The following ACOT11 variants were observed in gnomAD, a reference collection of about 807,000 sequenced individuals.
ACOT11 encodes the protein acyl-coenzyme A thioesterase 11.
A neutral mutation model predicts 77.5 loss-of-function variants in ACOT11; 69 were observed. That is an observed-to-expected ratio of 0.89 (90% CI 0.73 to 1.09). The LOEUF (loss-of-function observed/expected upper bound fraction) is 1.09, where lower values mean the gene tolerates loss of function less well. ACOT11 is among the 50% of genes least tolerant of loss of function. The pLI is 0.00. For synonymous variants in ACOT11, 279 were observed against 313.0 expected (o/e 0.89, Z 1.15); for missense variants, 766 against 813.7 (o/e 0.94, Z 0.71).
chr1:54,568,034 CT>C (rs772264017), intron 1 of ACOT11, among the ~76,000 whole-genome samples: 1 of 152,322 alleles, frequency 6.6e-6, no homozygotes, highest in Non-Finnish European at 1.5e-5. Flanking sequence ...CTCTGCATTT[CT>C]TAGGTCCTTC....
intron 9 of ACOT11, among the ~76,000 whole-genome samples, chr1:54,602,046 T>C (rs1401995183): frequency 2.0e-5 from 3 of 152,226 alleles, no homozygotes; most frequent in Admixed American, 1.3e-4. Flanking sequence ...TAGCGTGGGC[T>C]GTGGAGTTGG....
In ACOT11 at chr1:54,607,734, G is replaced by A. The variant is rs923283610; in HGVS notation, c.1503-208G>A. Among the ~76,000 whole-genome samples the A allele has an allele frequency of 1.3e-5, 2 of 152,106 alleles. No homozygotes were observed. Among genetic ancestry groups the A allele is most frequent in the Non-Finnish European group, 2.9e-5 (2 of 67,996 alleles). ...CACAGTGAAGTCAGGTTGGCTCCTG[G>A]TGAATTCAGTGCTAACCCACAGGTA... On this transcript the variant is annotated intron_variant, in intron 14 of 15. Transcript: ENST00000343744. This position sits in a 1 kb window ranked among gnomAD's most constrained non-coding sequence, Gnocchi z 4.5.
At chr1:54,595,072 C>T (rs1015143279) in intron 6 of ACOT11, among the ~76,000 whole-genome samples, 10 of 152,118 alleles carry the variant, frequency 6.6e-5, no homozygotes, top group Non-Finnish European at 1.0e-4. Flanking sequence ...ATAGGCCGGG[C>T]GTGGTGGCTC....
chr1:54,612,373 T>C (rs1655528), downstream of ACOT11: 617,038 of 720,642 alleles, frequency 0.86, 271,140 homozygotes, highest in Non-Finnish European at 0.94. Flanking sequence ...GCATGAGCAC[T>C]GGCAGGGGTT....
chr1:54,612,533 C>A (rs767843346), downstream of ACOT11: 9 of 1,614,056 alleles, frequency 5.6e-6, no homozygotes, highest in Non-Finnish European at 7.6e-6. Context: ...AGGCAGCCCG[C>A]ACCATGGAAG....
At chr1:54,635,266 G>A (rs1263540380) in exon 17 of ACOT11, 3 of 217,968 alleles carry the variant, frequency 1.4e-5, no homozygotes, top group South Asian at 6.0e-5. Context: ...AGCTTGAATT[G>A]CACCTCTCAG....
At chr1:54,614,531 G>C (rs373680345), downstream of ACOT11, among the ~76,000 whole-genome samples, 1 of 152,140 alleles carries the variant, frequency 6.6e-6, no homozygotes, top group South Asian at 2.1e-4. Context: ...GTCAGAAAAG[G>C]GGGGAAAGGC....
chr1:54,630,461 T>C (rs1282895142), intron 15 of ACOT11, among the ~76,000 whole-genome samples: 3 of 152,202 alleles, frequency 2.0e-5, no homozygotes, highest in Non-Finnish European at 4.4e-5. Context: ...GGAAAACCCC[T>C]TAAAGGCATT....
chr1:54,605,069 C>T lies in ACOT11; in HGVS notation c.1237-7C>T, dbSNP rs1222418784. On this transcript the variant is annotated splice_region_variant and splice_polypyrimidine_tract_variant and intron_variant, in intron 12 of 15. Transcript: ENST00000343744. ...CAGCAAATGAGGCTGCCCTCTATCC[C>T]ATGCAGGTCCGCCTGTACACTCTGG... 1 of 1,611,680 alleles carries T rather than the reference C, an allele frequency of 6.2e-7. No individual in the cohort carries two copies. Among genetic ancestry groups the T allele is most frequent in the Non-Finnish European group, 8.5e-7 (1 of 1,179,080 alleles).
At chr1:54,615,928 G>T in intron 15 of ACOT11, 1 of 1,344,966 alleles carries the variant, frequency 7.4e-7, no homozygotes, top group Non-Finnish European at 1.0e-6. Flanking sequence ...TCGTGTCAGG[G>T]CTGGACTTGC....
chr1:54,594,665 T>G lies in ACOT11; in HGVS notation c.581T>G (p.Leu194Arg). 6.2e-7 allele frequency: 1 copy of G among 1,613,690 alleles called. No homozygotes were observed. Among genetic ancestry groups the G allele is most frequent in the Non-Finnish European group, 8.5e-7 (1 of 1,179,764 alleles). Reference protein sequence around the residue: ...RLVYADTIKDLLANCAIQGDL... With the variant: ...RLVYADTIKDRLANCAIQGDL... ...GTCTATGCAGACACCATCAAGGACC[T>G]CCTGGCCAACTGCGCCATTCAGGGC... Residue 194 changes from leucine (L) to arginine (R), a missense_variant, in exon 6 of 16, where the codon CTC becomes CGC. Coordinates refer to ENST00000343744, the MANE Select transcript of ACOT11 (RefSeq NM_147161.4).
At chr1:54,623,343 C>G in intron 15 of ACOT11, 1 of 1,613,964 alleles carries the variant, frequency 6.2e-7, no homozygotes, top group Non-Finnish European at 8.5e-7. Context: ...ACAGGTAATG[C>G]CGGCAAACAC....
At chr1:54,612,861 CA>C, downstream of ACOT11, 1 of 633,080 alleles carries the variant, frequency 1.6e-6, no homozygotes, top group East Asian at 2.8e-5. Flanking sequence ...TGGCTTGTTT[CA>C]GGTCCCATAA....
In ACOT11 at chr1:54,607,366, T is replaced by A; in HGVS notation, c.1502+101T>A. 6.4e-7 allele frequency: 1 copy of A among 1,554,222 alleles called. No individual in the cohort carries two copies. The highest frequency in any genetic ancestry group is 8.7e-7 in the Non-Finnish European group (1 of 1,145,284). On this transcript the variant is annotated intron_variant, in intron 14 of 15. Transcript: ENST00000343744. The surrounding 1 kb of genome is among the most constrained non-coding windows in gnomAD (Gnocchi z 4.5). The stretch of plus-strand genomic sequence containing the variant: ...AAGGGCATCAGCCTGGAGCCAGAGC[T>A]CTGCTTCCCATTGGCTGTGGGGCCC...
chr1:54,630,808 G>A, exon 16 of ACOT11: 1 of 770,402 alleles, frequency 1.3e-6, no homozygotes. Flanking sequence ...TCGAATCCAG[G>A]TCAAAGGGTC....
At chr1:54,617,788 A>C (rs1344824895) in intron 15 of ACOT11, among the ~76,000 whole-genome samples, 1 of 126,422 alleles carries the variant, frequency 7.9e-6, no homozygotes, top group Admixed American at 1.0e-4. Flanking sequence ...CTGTGGCGTG[A>C]TCACGGCTCA....
At chr1:54,548,925 G>T (rs1488003473) in intron 1 of ACOT11, among the ~76,000 whole-genome samples, 1 of 152,180 alleles carries the variant, frequency 6.6e-6, no homozygotes, top group Non-Finnish European at 1.5e-5. Context: ...AGTTGCTGAG[G>T]CACACGGCAG....
chr1:54,621,975 T>TA (rs571379101), intron 15 of ACOT11, among the ~76,000 whole-genome samples: 95 of 152,084 alleles, frequency 6.2e-4, no homozygotes, highest in Admixed American at 4.2e-3. Context: ...AGTGAAGTAG[T>TA]AAAAAAAGTT....
At chr1:54,633,321 A>G (rs192630792) in intron 16 of ACOT11, among the ~76,000 whole-genome samples, 61 of 152,364 alleles carry the variant, frequency 4.0e-4, no homozygotes, top group Admixed American at 3.5e-3. Context: ...GGAATTCTCC[A>G]GTTTTCATAA....
Sources: allele counts gnomAD v4.1 joint callset (sites outside exome capture counted in the v4.1 genomes callset), GRCh38; gene constraint gnomAD v4.1.1; non-coding constraint Gnocchi (gnomAD v3.1); transcripts MANE v1.5; gene names NCBI Gene and HGNC (gene_info 2026-07-23, HGNC 2026-07-21).